The following SPAG16 variants were observed in gnomAD, a reference collection of about 807,000 sequenced individuals.
SPAG16 encodes sperm associated antigen 16, also known as sperm-associated antigen 16 protein.
A neutral mutation model predicts 80.4 loss-of-function variants in SPAG16; 86 were observed. That is an observed-to-expected ratio of 1.07 (90% CI 0.90 to 1.28). The LOEUF (loss-of-function observed/expected upper bound fraction) is 1.28, where lower values mean the gene tolerates loss of function less well. Among genes scored for constraint, SPAG16 ranks in the 50% most tolerant of loss-of-function variants. SPAG16 has a pLI of 0.00. For missense variants in SPAG16, 870 were observed against 765.3 expected (o/e 1.14, Z -1.61); for synonymous variants, 294 against 265.9 (o/e 1.11, Z -1.03).
intron 9 of SPAG16, among the ~76,000 whole-genome samples, chr2:213,424,812 GTTC>G: frequency 6.6e-6 from 1 of 152,248 alleles, no homozygotes; most frequent in African/African-American, 2.4e-5. Context: ...CAGGAGTCTT[GTTC>G]TTCTCCTAGG....
At chr2:213,511,175 TTGAC>T (rs1013015582) in intron 10 of SPAG16, among the ~76,000 whole-genome samples, 1 of 152,118 alleles carries the variant, frequency 6.6e-6, no homozygotes, top group African/African-American at 2.4e-5. Flanking sequence ...ATTTTACACA[TTGAC>T]TGACATTCAG....
rs1692083097 is a variant in SPAG16, at chr2:214,272,225, TTTTGCTATCATCTAC to T, written c.1720+122974_1720+122988del. On this transcript the variant is annotated intron_variant, in intron 15 of 15. Coordinates refer to ENST00000331683, the MANE Select transcript of SPAG16 (RefSeq NM_024532.5). Reference sequence around the variant, plus strand: ...ATCACTTCCTAATTATTTTATTATATTTTGCTATCATCTACTTTGCTATCATCTATGTTCTGAAAT... The same window carrying T: ...ATCACTTCCTAATTATTTTATTATATTTTGCTATCATCTATGTTCTGAAAT... Among the ~76,000 whole-genome samples the T allele has an allele frequency of 2.6e-5, 4 of 152,188 alleles. No individual in the cohort carries two copies. In the South Asian group the frequency reaches 6.2e-4, roughly 24 times the overall value.
At position 214,356,533 on chromosome 2, in the gene SPAG16, A is replaced by G. The variant is rs955500816; in HGVS notation, c.1721-53607A>G. On this transcript the variant is annotated intron_variant, in intron 15 of 15. Transcript: ENST00000331683. ...AAATTAATGTTTTCTAAAGCATTTT[A>G]AGTTTTTCTTTTCTTATTTTGGATG... Among the ~76,000 whole-genome samples the G allele has an allele frequency of 1.0e-4, 15 of 150,206 alleles. 1 individual carries two copies. The highest frequency in any genetic ancestry group is 6.8e-3 in the Middle Eastern group (2 of 292).
chr2:213,832,186 TG>T lies in SPAG16; in HGVS notation c.1071-30295del, dbSNP rs965974401. Among the ~76,000 whole-genome samples, 8 of 151,568 alleles carry T rather than the reference TG, an allele frequency of 5.3e-5. 1 individual carries two copies. The highest frequency in any genetic ancestry group is 1.9e-4 in the African/African-American group (8 of 41,268). On this transcript the variant is annotated intron_variant, in intron 10 of 15. Transcript: ENST00000331683. ...CTAATTTTTGTATTTTTAGTAGAGATGGGGTTTCATCATCTTGGCCAGGCTG... is the reference window on the plus strand; with the variant it reads ...CTAATTTTTGTATTTTTAGTAGAGATGGGTTTCATCATCTTGGCCAGGCTG...
chr2:214,331,460 G>T (rs1264996562), intron 15 of SPAG16, among the ~76,000 whole-genome samples: 1 of 152,106 alleles, frequency 6.6e-6, no homozygotes, highest in Non-Finnish European at 1.5e-5. Flanking sequence ...TTTCCCCTGA[G>T]AATACATCCA....
intron 10 of SPAG16, among the ~76,000 whole-genome samples, chr2:213,750,044 A>T (rs2068011407): frequency 1.3e-5 from 2 of 152,224 alleles, no homozygotes; most frequent in South Asian, 4.1e-4. Context: ...TTGTGTATTT[A>T]CAGTAAGCCA....
chr2:213,882,013 C>T (rs1041485447), intron 11 of SPAG16, among the ~76,000 whole-genome samples: 1 of 152,028 alleles, frequency 6.6e-6, no homozygotes, highest in African/African-American at 2.4e-5. Context: ...CCTTTGATGC[C>T]TTGTCTTTTG....
chr2:214,064,984 A>G lies in SPAG16; in HGVS notation c.1528-43212A>G, dbSNP rs564305564. Among the ~76,000 whole-genome samples, 41 of 152,028 alleles carry G rather than the reference A, an allele frequency of 2.7e-4. No homozygotes were observed. The South Asian group carries it at 7.5e-3, about 28-fold the overall frequency. On this transcript the variant is annotated intron_variant, in intron 13 of 15. Coordinates refer to ENST00000331683, the MANE Select transcript of SPAG16 (RefSeq NM_024532.5). ...ATAAAATTATAAGAATATAAGAATA[A>G]ATAATAATAACAGTAACTTGTATTT... is the stretch of plus-strand genomic sequence containing the variant.
chr2:214,315,501 T>TTTTTTTTA (rs1038554591), intron 15 of SPAG16, among the ~76,000 whole-genome samples: 5 of 144,186 alleles, frequency 3.5e-5, no homozygotes, highest in African/African-American at 7.8e-5. Context: ...GCCCCATCTT[T>TTTTTTTTA]TTTATTTATT....
chr2:213,577,890 C>CCT (rs1296177195), intron 10 of SPAG16, among the ~76,000 whole-genome samples: 6 of 152,006 alleles, frequency 3.9e-5, no homozygotes, highest in African/African-American at 1.4e-4. Flanking sequence ...CTGGGGTCAC[C>CCT]ATCGCTCTGC....
chr2:213,908,569 C>G (rs2077522099), intron 11 of SPAG16, among the ~76,000 whole-genome samples: 1 of 152,150 alleles, frequency 6.6e-6, no homozygotes, highest in African/African-American at 2.4e-5. Context: ...AAATCTACCT[C>G]TCTCATTCGA....
At chr2:213,996,316 G>A (rs1575768509) in intron 12 of SPAG16, among the ~76,000 whole-genome samples, 1 of 152,260 alleles carries the variant, frequency 6.6e-6, no homozygotes, top group South Asian at 2.1e-4. Context: ...AAAGAGTATA[G>A]ATCTGATTTG....
At chr2:213,540,135 CG>C (rs1027992239) in intron 10 of SPAG16, among the ~76,000 whole-genome samples, 6 of 150,504 alleles carry the variant, frequency 4.0e-5, no homozygotes, top group African/African-American at 1.5e-4. Context: ...CCCGGGTTCA[CG>C]CCATTCTCCT....
At chr2:213,716,176 T>C (rs550824350) in intron 10 of SPAG16, among the ~76,000 whole-genome samples, 2 of 152,310 alleles carry the variant, frequency 1.3e-5, no homozygotes, top group East Asian at 3.9e-4. Flanking sequence ...TATAATACTT[T>C]GATTTTTCAA....
chr2:214,085,168 G>C (rs889498418), intron 13 of SPAG16, among the ~76,000 whole-genome samples: 1 of 152,064 alleles, frequency 6.6e-6, no homozygotes, highest in African/African-American at 2.4e-5. Context: ...GGTTTGACTG[G>C]AATATAAAAG....
rs1553685174 is a variant in SPAG16 at position 213,976,135 on chromosome 2, TAC to T, written c.1401-37797_1401-37796del. On this transcript the variant is annotated intron_variant, in intron 12 of 15. Coordinates refer to ENST00000331683, the MANE Select transcript of SPAG16 (RefSeq NM_024532.5). ...ATATATATATATATATATATATATA[TAC>T]ACACACACACACACACACGTATGTA... 8.0e-3 allele frequency among the ~76,000 whole-genome samples: 650 copies of T among 81,190 alleles called. 7 individuals are homozygous for T. The highest frequency in any genetic ancestry group is 0.066 in the East Asian group (175 of 2,638). 53.3% of individuals were successfully genotyped at this position (81,190 alleles called of 152,430 possible). A position where few individuals can be genotyped will look rare whatever the true frequency, so the allele number is the denominator to read the frequency against.
intron 15 of SPAG16, among the ~76,000 whole-genome samples, chr2:214,188,206 A>G (rs1427657269): frequency 6.6e-6 from 1 of 152,164 alleles, no homozygotes; most frequent in Non-Finnish European, 1.5e-5. Context: ...TACAAAGGAA[A>G]TTCAAAAGGC....
chr2:213,807,446 T>G (rs2071840650), intron 10 of SPAG16, among the ~76,000 whole-genome samples: 1 of 152,132 alleles, frequency 6.6e-6, no homozygotes, highest in Admixed American at 6.6e-5. Flanking sequence ...CACTTCTCTC[T>G]ACTGACCTCT....
chr2:213,585,163 T>C (rs1261660316), intron 10 of SPAG16, among the ~76,000 whole-genome samples: 1 of 147,660 alleles, frequency 6.8e-6, no homozygotes, highest in East Asian at 2.0e-4. Flanking sequence ...TACTCCAGCC[T>C]GCACAATGAG....
Sources: gnomAD v4.1 joint callset for allele counts (sites outside exome capture counted in the v4.1 genomes callset) on GRCh38, gnomAD v4.1.1 for gene constraint, MANE v1.5 for transcripts, NCBI Gene and HGNC (gene_info 2026-07-23, HGNC 2026-07-21) for gene names.